Variants in IFI44L observed in about 807,000 individuals in gnomAD.
IFI44L encodes interferon-induced protein 44-like.
Under a neutral mutation model 39.3 loss-of-function variants are expected in IFI44L, and 40 were observed. The ratio of observed to expected loss-of-function variants is 1.02; its 90% confidence interval spans 0.79 to 1.33. IFI44L has a LOEUF of 1.33. IFI44L is among the 40% of genes most tolerant of loss of function. The probability of loss-of-function intolerance (pLI) is 0.00; values close to 1 mark genes in which losing one functional copy is unlikely to be tolerated. For synonymous variants in IFI44L, 198 were observed against 182.3 expected (o/e 1.09, Z -0.69); for missense variants, 623 against 549.0 (o/e 1.13, Z -1.35).
In IFI44L at chr1:78,642,308, C is replaced by T. The variant is rs72673958; in HGVS notation, c.*499C>T. 1 of 149,112 alleles carries T rather than the reference C, an allele frequency of 6.7e-6. No individual in the cohort carries two copies. The highest frequency in any genetic ancestry group is 1.5e-5 in the Non-Finnish European group (1 of 67,900). The allele number at this position is 149,112 out of a possible 1,614,324, so 9.2% of individuals were successfully genotyped here. On this transcript the variant is annotated 3_prime_UTR_variant, in exon 9 of 9. Coordinates refer to ENST00000370751, the MANE Select transcript of IFI44L (RefSeq NM_006820.4). The stretch of plus-strand genomic sequence containing the variant: ...TTTTCCTTCCCACTCTCTCCAACAT[C>T]ACATTCACTTTAAATTTTTCTGTAT...
rs2100412672 is a variant in IFI44L at position 78,645,534 on chromosome 1, A to C, written c.*3725A>C. On this transcript the variant is annotated 3_prime_UTR_variant, in exon 9 of 9. Coordinates refer to ENST00000370751, the MANE Select transcript of IFI44L (RefSeq NM_006820.4). The stretch of plus-strand genomic sequence containing the variant: ...CGCAAATTGATAGGGGGGCCAAGTA[A>C]GCCCCATATGCTTAATGATCAGCTG... 1 of 152,326 alleles carries C rather than the reference A, an allele frequency of 6.6e-6. No homozygotes were observed. Among genetic ancestry groups the C allele is most frequent in the East Asian group, 1.9e-4 (1 of 5,184 alleles). 9.4% of individuals were successfully genotyped at this position (152,326 alleles called of 1,614,324 possible). A position where few individuals can be genotyped will look rare whatever the true frequency, so the allele number is the denominator to read the frequency against.
chr1:78,629,051 A>G (rs369710576), intron 3 of IFI44L, 52 bp downstream of exon 3: 6 of 1,091,800 alleles, frequency 5.5e-6, no homozygotes, highest in South Asian at 5.1e-5. Context: ...GACCAATTGT[A>G]TAAAGAATGC....
rs1006161074 is a variant in IFI44L, at chr1:78,635,424, G to A, written c.811G>A (p.Gly271Arg). 17 of 1,613,540 alleles carry A rather than the reference G, an allele frequency of 1.1e-5. No homozygotes were observed. In the Admixed American group the frequency reaches 1.7e-4, roughly 16 times the overall value. The change falls in exon 5 of 9, where the codon GGA becomes AGA. Residue 271 changes from glycine to arginine, a missense_variant. Coordinates refer to ENST00000370751, the MANE Select transcript of IFI44L (RefSeq NM_006820.4). ...CDTMGLDGAEGAGLCMDDIPH... is the reference protein window; with the variant it reads ...CDTMGLDGAERAGLCMDDIPH... ...CACTATGGGGCTAGATGGGGCAGAA[G>A]GAGCAGGACTGTGCATGGATGACAT...
chr1:78,627,301 A>T (rs1652528281), intron 1 of IFI44L: 1 of 152,022 alleles, frequency 6.6e-6, no homozygotes, highest in African/African-American at 2.4e-5. Flanking sequence ...AATGACCAAT[A>T]GTCTAGTATG....
intron 6 of IFI44L, among the ~76,000 whole-genome samples, chr1:78,639,659 T>A (rs576355341): frequency 1.3e-5 from 2 of 152,190 alleles, no homozygotes; most frequent in Admixed American, 6.6e-5. Flanking sequence ...TTATGCATAA[T>A]GTCCAGAGAT....
chr1:78,629,799 G>C lies in IFI44L; in HGVS notation c.607G>C (p.Val203Leu). 2 of 1,613,758 alleles carry C rather than the reference G, an allele frequency of 1.2e-6. No individual in the cohort carries two copies. The change falls in exon 4 of 9, where the codon GTG becomes CTG. Residue 203 changes from valine to leucine, a missense_variant. Transcript: ENST00000370751. ...GGTTTCAGAAATTCGTATTCTTTTG[G>C]TGGGTCCAGTTGGGTCTGGAAAGTC... ...DLVSEIRILL[V>L]GPVGSGKSSF...
At chr1:78,638,200 A>T (rs1003193914) in intron 6 of IFI44L, among the ~76,000 whole-genome samples, 3 of 152,188 alleles carry the variant, frequency 2.0e-5, no homozygotes, top group African/African-American at 7.2e-5. Flanking sequence ...GACATTGAAC[A>T]TCTTCTCATG....
Position 78,641,102 on chromosome 1 carries a change from C to G in IFI44L, c.1130C>G (p.Ser377Cys). 6 of 1,608,048 alleles carry G rather than the reference C, an allele frequency of 3.7e-6. No homozygotes were observed. The highest frequency in any genetic ancestry group is 2.7e-5 in the African/African-American group (2 of 72,816). Residue 377 changes from serine to cysteine, a missense_variant, in exon 7 of 9, where the codon TCT becomes TGT. Physicochemically the swap from Ser to Cys is moderately radical, Grantham distance 112. Coordinates refer to ENST00000370751, the MANE Select transcript of IFI44L (RefSeq NM_006820.4). Reference sequence around the variant, plus strand: ...GACAACTTTTTAAACATGAGTAGATCTATGACTTCTCAAAGCCGGGTAAAA... The same window carrying G: ...GACAACTTTTTAAACATGAGTAGATGTATGACTTCTCAAAGCCGGGTAAAA... ...LQDNFLNMSR[S>C]MTSQSRVMNV...
intron 7 of IFI44L, 135 bp downstream of exon 7, chr1:78,641,256 C>A: frequency 2.3e-6 from 2 of 858,076 alleles, no homozygotes; most frequent in Non-Finnish European, 3.7e-6. Context: ...GGATCAATTG[C>A]TTGATTAATT....
intron 1 of IFI44L, among the ~76,000 whole-genome samples, chr1:78,622,128 C>T (rs772626863): frequency 1.3e-5 from 2 of 152,132 alleles, no homozygotes; most frequent in Non-Finnish European, 2.9e-5. Context: ...TATCATTATA[C>T]TATCCACATT....
intron 4 of IFI44L, among the ~76,000 whole-genome samples, chr1:78,633,486 C>T (rs754703552): frequency 4.6e-5 from 7 of 152,266 alleles, no homozygotes; most frequent in South Asian, 2.1e-4. Flanking sequence ...CTGAGCTTTA[C>T]GCATGCCTCA....
At chr1:78,632,768 G>A (rs1437232101) in intron 4 of IFI44L, among the ~76,000 whole-genome samples, 1 of 152,014 alleles carries the variant, frequency 6.6e-6, no homozygotes, top group Non-Finnish European at 1.5e-5. Context: ...GATTGAATTG[G>A]AGCCACATAT....
intron 1 of IFI44L, chr1:78,620,950 CG>C (rs1164347090): frequency 2.3e-4 from 35 of 152,152 alleles, no homozygotes; most frequent in Admixed American, 2.3e-3. Context: ...TAAGCTTCCA[CG>C]TGTGAGTGAG....
Position 78,646,009 on chromosome 1 carries a change from G to A in IFI44L, c.*4200G>A, listed in dbSNP as rs1362257088. On this transcript the variant is annotated 3_prime_UTR_variant, in exon 9 of 9. Coordinates refer to ENST00000370751, the MANE Select transcript of IFI44L (RefSeq NM_006820.4). Reference sequence around the variant, plus strand: ...AATTGAGGGCACAGGGGTGGAGGTGGGGGGGTTGAATAACAAGCTGTGCTA... The same window carrying A: ...AATTGAGGGCACAGGGGTGGAGGTGAGGGGGTTGAATAACAAGCTGTGCTA... 2.6e-5 allele frequency: 4 copies of A among 152,128 alleles called. No homozygotes were observed. Among genetic ancestry groups the A allele is most frequent in the Admixed American group, 2.0e-4 (3 of 15,274 alleles). The allele number at this position is 152,128 out of a possible 1,614,324, so 9.4% of individuals were successfully genotyped here. A position where few individuals can be genotyped will look rare whatever the true frequency, so the allele number is the denominator to read the frequency against.
rs879849873 is a variant in IFI44L at position 78,641,971 on chromosome 1, C to T, written c.*162C>T. Reference sequence around the variant, plus strand: ...AGTTCAAAGGCCAAAACCTGAGAAGCGGTGGGCTAAGATAGGTCCTACTGC... The same window carrying T: ...AGTTCAAAGGCCAAAACCTGAGAAGTGGTGGGCTAAGATAGGTCCTACTGC... On this transcript the variant is annotated 3_prime_UTR_variant, in exon 9 of 9. Coordinates refer to ENST00000370751, the MANE Select transcript of IFI44L (RefSeq NM_006820.4). The T allele has an allele frequency of 1.4e-5, 11 of 773,230 alleles. No individual in the cohort carries two copies. Among genetic ancestry groups the T allele is most frequent in the African/African-American group, 5.1e-5 (3 of 58,402 alleles). 47.9% of individuals were successfully genotyped at this position (773,230 alleles called of 1,614,324 possible). A position where few individuals can be genotyped will look rare whatever the true frequency, so the allele number is the denominator to read the frequency against.
Position 78,641,897 on chromosome 1 carries a change from T to G in IFI44L, c.*88T>G. On this transcript the variant is annotated 3_prime_UTR_variant, in exon 9 of 9. Transcript: ENST00000370751. ...ATCTCTATTGACAGCCTGCTTCAGA[T>G]TTTGCTTTTGTTCGTTTTGCCTTCT... 7 of 1,473,142 alleles carry G rather than the reference T, an allele frequency of 4.8e-6. No homozygotes were observed. Among genetic ancestry groups the G allele is most frequent in the Non-Finnish European group, 6.7e-6 (7 of 1,052,096 alleles). The allele number at this position is 1,473,142 out of a possible 1,614,324, so 91.3% of individuals were successfully genotyped here.
intron 1 of IFI44L, chr1:78,626,193 C>T (rs1343607095): frequency 6.6e-6 from 1 of 151,628 alleles, no homozygotes; most frequent in African/African-American, 2.4e-5. Context: ...TTATGCCTAC[C>T]TTGCAGTTAA....
chr1:78,627,862 CTATATTATA>C, intron 1 of IFI44L, 35 bp from the exon 2 acceptor site: 1 of 1,106,756 alleles, frequency 9.0e-7, no homozygotes, highest in Non-Finnish European at 1.2e-6. Flanking sequence ...CTATAAGCTA[CTATATTATA>C]TAAGCTTCTC....
chr1:78,622,047 G>A (rs968715187), intron 1 of IFI44L, among the ~76,000 whole-genome samples: 2 of 151,984 alleles, frequency 1.3e-5, no homozygotes, highest in East Asian at 1.9e-4. Flanking sequence ...CTGTATATTT[G>A]TACTCATTAA....
Sources: gnomAD v4.1 joint callset for allele counts (sites outside exome capture counted in the v4.1 genomes callset) on GRCh38, gnomAD v4.1.1 for gene constraint, MANE v1.5 for transcripts, NCBI Gene and HGNC (gene_info 2026-07-23, HGNC 2026-07-21) for gene names.